The following CHST14 variants were observed in gnomAD, a reference collection of about 807,000 sequenced individuals.
CHST14 encodes carbohydrate sulfotransferase 14.
CHST14 carries 13 observed loss-of-function variants against 22.7 expected under a neutral mutation model. The observed-to-expected ratio is 0.57, with a 90% CI of 0.37 to 0.91. CHST14 has a LOEUF of 0.91. Ranked by LOEUF, CHST14 falls within the 40% of genes least tolerant of loss-of-function variation. The pLI, the probability that CHST14 is intolerant of heterozygous loss-of-function variation, is 0.01. For synonymous variants in CHST14, 233 were observed against 231.9 expected, an observed-to-expected ratio of 1.00 and a Z score of -0.04; for missense variants, 466 against 513.1, an observed-to-expected ratio of 0.91 and a Z score of 0.89.
In CHST14 at chr15:40,472,431, T is replaced by G. The variant is rs781234672; in HGVS notation, c.*87T>G. On this transcript the variant is annotated 3_prime_UTR_variant, in exon 1 of 1. Transcript: ENST00000306243. Reference sequence around the variant, plus strand: ...GCCTGTCATTCGGAGAAACTCTGGCTCTGGGGCTTGGGGCTTCTCAGGATC... The same window carrying G: ...GCCTGTCATTCGGAGAAACTCTGGCGCTGGGGCTTGGGGCTTCTCAGGATC... 7 of 1,459,476 alleles carry G rather than the reference T, an allele frequency of 4.8e-6. No individual in the cohort carries two copies. The highest frequency in any genetic ancestry group is 6.5e-6 in the Non-Finnish European group (7 of 1,078,696). 90.4% of individuals were successfully genotyped at this position (1,459,476 alleles called of 1,614,324 possible).
chr15:40,472,554 T>C lies in CHST14; in HGVS notation c.*210T>C, dbSNP rs959573095. The C allele has an allele frequency of 3.1e-5, 18 of 590,130 alleles. No individual in the cohort carries two copies. The highest frequency in any genetic ancestry group is 5.2e-5 in the Non-Finnish European group (17 of 328,716). 36.6% of individuals were successfully genotyped at this position (590,130 alleles called of 1,614,324 possible). ...TAGGCAGGAGACCTGCTGCTCCTCA[T>C]TGGGGGGATCTCTTGGGGGGCAGAC... On this transcript the variant is annotated 3_prime_UTR_variant, in exon 1 of 1. Coordinates refer to ENST00000306243, the MANE Select transcript of CHST14 (RefSeq NM_130468.4).
chr15:40,471,623 T>C lies in CHST14; in HGVS notation c.410T>C (p.Leu137Pro). ...TTGCCGGTGGGGCAGCGGCGCACCC[T>C]GCTGCGCCACATCCTCGTAAGTGAC... Reference protein sequence around the residue: ...WDLPVGQRRTLLRHILVSDRY... With the variant: ...WDLPVGQRRTPLRHILVSDRY... The change falls in exon 1 of 1, where the codon CTG (leucine) becomes CCG (proline). Residue 137 changes from leucine to proline, a missense_variant. Coordinates refer to ENST00000306243, the MANE Select transcript of CHST14 (RefSeq NM_130468.4). This position sits in a 1 kb window ranked among gnomAD's most constrained non-coding sequence, Gnocchi z 6.4. 6.2e-7 allele frequency: 1 copy of C among 1,613,160 alleles called. No individual in the cohort carries two copies. Among genetic ancestry groups the C allele is most frequent in the South Asian group, 1.1e-5 (1 of 91,084 alleles).
Position 40,471,248 on chromosome 15 carries a change from C to T in CHST14, c.35C>T (p.Pro12Leu). Residue 12 changes from proline to leucine, a missense_variant, in exon 1 of 1, where the codon CCA becomes CTA. By Grantham distance (98) the Pro-to-Leu change is moderately conservative. Coordinates refer to ENST00000306243, the MANE Select transcript of CHST14 (RefSeq NM_130468.4). The surrounding 1 kb of genome is among the most constrained non-coding windows in gnomAD (Gnocchi z 6.4). ...FPRPLTPLAA[P>L]NGAEPLGRAL... The stretch of plus-strand genomic sequence containing the variant: ...CGCCCGCTGACCCCGCTGGCGGCCC[C>T]AAATGGCGCCGAGCCCCTGGGCCGG... The T allele has an allele frequency of 6.9e-7, 1 of 1,451,824 alleles. No homozygotes were observed. The highest frequency in any genetic ancestry group is 9.0e-7 in the Non-Finnish European group (1 of 1,112,244). The allele number at this position is 1,451,824 out of a possible 1,614,324, so 89.9% of individuals were successfully genotyped here.
In CHST14 at chr15:40,471,488, G is replaced by A. The variant is rs754720949; in HGVS notation, c.275G>A (p.Gly92Asp). 2 of 1,600,148 alleles carry A rather than the reference G, an allele frequency of 1.2e-6. No individual in the cohort carries two copies. Among genetic ancestry groups the A allele is most frequent in the Non-Finnish European group, 1.7e-6 (2 of 1,177,120 alleles). Residue 92 changes from glycine to aspartate, a missense_variant, in exon 1 of 1, where the codon GGC becomes GAC. Gly to Asp is a moderately conservative substitution (Grantham distance 94). Coordinates refer to ENST00000306243, the MANE Select transcript of CHST14 (RefSeq NM_130468.4). This position sits in a 1 kb window ranked among gnomAD's most constrained non-coding sequence, Gnocchi z 6.4. ...AWRGKAPKPG[G>D]LSLRAGDADL... ...CGCGGGAAAGCCCCCAAGCCTGGGG[G>A]CCTGTCCCTCAGGGCTGGGGACGCG... is the stretch of plus-strand genomic sequence containing the variant.
At position 40,472,322 on chromosome 15, in the gene CHST14, C is replaced by G; in HGVS notation, c.1109C>G (p.Thr370Ser). 1.9e-6 allele frequency: 3 copies of G among 1,597,756 alleles called. No homozygotes were observed. Among genetic ancestry groups the G allele is most frequent in the Non-Finnish European group, 2.6e-6 (3 of 1,170,256 alleles). The change falls in exon 1 of 1, where the codon ACC becomes AGC. Residue 370 changes from threonine to serine, a missense_variant. Physicochemically the swap from Thr to Ser is moderately conservative, Grantham distance 58 (BLOSUM62 1). Transcript: ENST00000306243. ...SLFAYPLPNV[T>S]KEACQQ ...TTTGCCTACCCACTGCCTAATGTCA[C>G]CAAGGAGGCGTGTCAGCAGTGACCA...
At position 40,471,869 on chromosome 15, in the gene CHST14, T is replaced by G. The variant is rs1398794314; in HGVS notation, c.656T>G (p.Leu219Arg). The G allele has an allele frequency of 6.2e-7, 1 of 1,613,974 alleles. No homozygotes were observed. The highest frequency in any genetic ancestry group is 2.2e-5 in the East Asian group (1 of 44,862). The change falls in exon 1 of 1, where the codon CTC becomes CGC. Residue 219 changes from leucine to arginine, a missense_variant. By Grantham distance (102) the Leu-to-Arg change is moderately radical (BLOSUM62 -2). Coordinates refer to ENST00000306243, the MANE Select transcript of CHST14 (RefSeq NM_130468.4). This position sits in a 1 kb window ranked among gnomAD's most constrained non-coding sequence, Gnocchi z 6.4. ...TTTGTGCGGGAGCCCTTGGAACGCCTCCTCTCTGCCTACCGCAACAAGTTT... is the reference window on the plus strand; with the variant it reads ...TTTGTGCGGGAGCCCTTGGAACGCCGCCTCTCTGCCTACCGCAACAAGTTT... Reference protein sequence around the residue: ...FLFVREPLERLLSAYRNKFGE... With the variant: ...FLFVREPLERRLSAYRNKFGE...
At position 40,471,441 on chromosome 15, in the gene CHST14, C is replaced by A. The variant is rs760649086; in HGVS notation, c.228C>A (p.Pro76=). 18 of 1,571,122 alleles carry A rather than the reference C, an allele frequency of 1.1e-5. No individual in the cohort carries two copies. Among genetic ancestry groups the A allele is most frequent in the Admixed American group, 1.8e-5 (1 of 54,388 alleles). Residue 76 remains proline (P), a synonymous_variant, in exon 1 of 1, where the codon CCC becomes CCA. Coordinates refer to ENST00000306243, the MANE Select transcript of CHST14 (RefSeq NM_130468.4). The surrounding 1 kb of genome is among the most constrained non-coding windows in gnomAD (Gnocchi z 6.4). ...TGAAGCCCCTGCCCCTGCACCCGCCCGGCCGCGAGGGCACAGCCTGGCGCG... is the reference window on the plus strand; with the variant it reads ...TGAAGCCCCTGCCCCTGCACCCGCCAGGCCGCGAGGGCACAGCCTGGCGCG... ...AEMKPLPLHP[P]GREGTAWRGK...
Position 40,472,347 on chromosome 15 carries a change from A to T in CHST14, c.*3A>T. 6.3e-7 allele frequency: 1 copy of T among 1,592,884 alleles called. No homozygotes were observed. Among genetic ancestry groups the T allele is most frequent in the Non-Finnish European group, 8.6e-7 (1 of 1,168,200 alleles). ...CCAAGGAGGCGTGTCAGCAGTGACC[A>T]TGGGTGTGGGGCCAGCAGCTGGTGG... On this transcript the variant is annotated 3_prime_UTR_variant, in exon 1 of 1. Transcript: ENST00000306243.
chr15:40,472,168 G>A lies in CHST14; in HGVS notation c.955G>A (p.Val319Ile). The A allele has an allele frequency of 6.2e-7, 1 of 1,614,094 alleles. No individual in the cohort carries two copies. Among genetic ancestry groups the A allele is most frequent in the Non-Finnish European group, 8.5e-7 (1 of 1,180,038 alleles). The change falls in exon 1 of 1, where the codon GTC becomes ATC. Residue 319 changes from valine (V) to isoleucine (I), a missense_variant. Transcript: ENST00000306243. ...GGAGTGGGTACGGGCACCACCTCACGTCCGATTTCCAGCTCGCCAGGCCTG... is the reference window on the plus strand; with the variant it reads ...GGAGTGGGTACGGGCACCACCTCACATCCGATTTCCAGCTCGCCAGGCCTG... ...VLEWVRAPPH[V>I]RFPARQAWYR...
Position 40,472,107 on chromosome 15 carries a change from C to A in CHST14, c.894C>A (p.Ser298=). ...CCGTGCACTATGACTTTGTGGGCTC[C>A]TATGAGAGGCTGGAGGCTGATGCAA... ...PCAVHYDFVG[S]YERLEADANQ... Residue 298 remains serine (S), a synonymous_variant, in exon 1 of 1, where the codon TCC becomes TCA. Transcript: ENST00000306243. 3 of 1,614,198 alleles carry A rather than the reference C, an allele frequency of 1.9e-6. No individual in the cohort carries two copies. Among genetic ancestry groups the A allele is most frequent in the Non-Finnish European group, 2.5e-6 (3 of 1,180,046 alleles).
rs755659406 is a variant in CHST14, at chr15:40,471,602, C to G, written c.389C>G (p.Pro130Arg). The G allele has an allele frequency of 1.2e-6, 2 of 1,612,658 alleles. No homozygotes were observed. Among genetic ancestry groups the G allele is most frequent in the Admixed American group, 1.7e-5 (1 of 60,026 alleles). ...PGMPRDPWDL[P>R]VGQRRTLLRH... ...ATGCCCCGGGACCCCTGGGACTTGC[C>G]GGTGGGGCAGCGGCGCACCCTGCTG... is the stretch of plus-strand genomic sequence containing the variant. Residue 130 changes from proline (P) to arginine (R), a missense_variant, in exon 1 of 1, where the codon CCG (proline) becomes CGG (arginine). Coordinates refer to ENST00000306243, the MANE Select transcript of CHST14 (RefSeq NM_130468.4). The surrounding 1 kb of genome is among the most constrained non-coding windows in gnomAD (Gnocchi z 6.4).
rs1447394751 is a variant in CHST14, at chr15:40,471,296, G to T, written c.83G>T (p.Gly28Val). The change falls in exon 1 of 1, where the codon GGC (glycine) becomes GTC (valine). Residue 28 changes from glycine (G) to valine (V), a missense_variant. Physicochemically the swap from Gly to Val is moderately radical, Grantham distance 109. Coordinates refer to ENST00000306243, the MANE Select transcript of CHST14 (RefSeq NM_130468.4). This position sits in a 1 kb window ranked among gnomAD's most constrained non-coding sequence, Gnocchi z 6.4. ...CGGGCGCTGAGGCGGGCCCCTCTGG[G>T]CAGGGCCCGGGCGGGGCTGGGTGGG... ...LGRALRRAPL[G>V]RARAGLGGPP... 3.3e-6 allele frequency: 5 copies of T among 1,530,660 alleles called. No individual in the cohort carries two copies. In the Admixed American group the frequency reaches 7.9e-5, roughly 24 times the overall value. 94.8% of individuals were successfully genotyped at this position (1,530,660 alleles called of 1,614,324 possible). A position where few individuals can be genotyped will look rare whatever the true frequency, so the allele number is the denominator to read the frequency against.
chr15:40,471,916 CA>C lies in CHST14; in HGVS notation c.705del (p.Gln235HisfsTer7), dbSNP rs1476032682. 6.2e-7 allele frequency: 1 copy of C among 1,614,028 alleles called. No individual in the cohort carries two copies. Among genetic ancestry groups the C allele is most frequent in the African/African-American group, 1.3e-5 (1 of 74,940 alleles). On this transcript the variant is annotated frameshift_variant, in exon 1 of 1. Coordinates refer to ENST00000306243, the MANE Select transcript of CHST14 (RefSeq NM_130468.4). LOFTEE classifies it high-confidence loss of function. This position sits in a 1 kb window ranked among gnomAD's most constrained non-coding sequence, Gnocchi z 6.4. ...NKFGEIREYQ[Q>X]RYGAEIVRRY... The stretch of plus-strand genomic sequence containing the variant: ...GTTTGGCGAGATCCGAGAGTACCAG[CA>C]ACGCTATGGGGCTGAGATAGTGAGG...
In CHST14 at chr15:40,472,770, G is replaced by C. The variant is rs1894368803; in HGVS notation, c.*426G>C. 1 of 203,180 alleles carries C rather than the reference G, an allele frequency of 4.9e-6. No homozygotes were observed. Among genetic ancestry groups the C allele is most frequent in the South Asian group, 1.2e-4 (1 of 8,268 alleles). The allele number at this position is 203,180 out of a possible 1,614,324, so 12.6% of individuals were successfully genotyped here. On this transcript the variant is annotated 3_prime_UTR_variant, in exon 1 of 1. Coordinates refer to ENST00000306243, the MANE Select transcript of CHST14 (RefSeq NM_130468.4). ...CTGATCCCCCATTTATCCACCCCAT[G>C]TGCCTCAGGACTAGAGTGAGCAATC...
rs866817984 is a variant in CHST14, at chr15:40,471,611, A to C, written c.398A>C (p.Gln133Pro). Residue 133 changes from glutamine to proline, a missense_variant, in exon 1 of 1, where the codon CAG becomes CCG. Coordinates refer to ENST00000306243, the MANE Select transcript of CHST14 (RefSeq NM_130468.4). This position sits in a 1 kb window ranked among gnomAD's most constrained non-coding sequence, Gnocchi z 6.4. ...GACCCCTGGGACTTGCCGGTGGGGC[A>C]GCGGCGCACCCTGCTGCGCCACATC... Reference protein sequence around the residue: ...PRDPWDLPVGQRRTLLRHILV... With the variant: ...PRDPWDLPVGPRRTLLRHILV... The C allele has an allele frequency of 9.9e-6, 16 of 1,612,778 alleles. 1 individual carries two copies. In the African/African-American group the frequency reaches 1.9e-4, roughly 19 times the overall value.
In CHST14 at chr15:40,471,194, G is replaced by C. The variant is rs1216296988; in HGVS notation, c.-20G>C. 1.5e-6 allele frequency: 2 copies of C among 1,342,372 alleles called. No individual in the cohort carries two copies. The highest frequency in any genetic ancestry group is 3.1e-5 in the East Asian group (1 of 32,462). The allele number at this position is 1,342,372 out of a possible 1,614,324, so 83.2% of individuals were successfully genotyped here. On this transcript the variant is annotated 5_prime_UTR_variant, in exon 1 of 1. Coordinates refer to ENST00000306243, the MANE Select transcript of CHST14 (RefSeq NM_130468.4). The surrounding 1 kb of genome is among the most constrained non-coding windows in gnomAD (Gnocchi z 6.4). ...CCTCGGATCGGCCGGGCCCGCGCAG[G>C]CCCCCACCCCTTGAGCACCATGTTC...
In CHST14 at chr15:40,471,839, TC is replaced by T. The variant is rs749648439; in HGVS notation, c.628del (p.Leu210CysfsTer32). ...TACCGCCTGCAGCACTACTTTAAGT[TC>T]CTGTTTGTGCGGGAGCCCTTGGAAC... The part of the protein sequence containing the change: ...IRYRLQHYFK[F>X]LFVREPLERL... On this transcript the variant is annotated frameshift_variant, in exon 1 of 1. Coordinates refer to ENST00000306243, the MANE Select transcript of CHST14 (RefSeq NM_130468.4). LOFTEE classifies it high-confidence loss of function. The surrounding 1 kb of genome is among the most constrained non-coding windows in gnomAD (Gnocchi z 6.4). 2 of 1,613,722 alleles carry T rather than the reference TC, an allele frequency of 1.2e-6. No individual in the cohort carries two copies. Among genetic ancestry groups the T allele is most frequent in the Non-Finnish European group, 1.7e-6 (2 of 1,180,030 alleles).
rs1398956588 is a variant in CHST14, at chr15:40,472,711, G to T, written c.*367G>T. The T allele has an allele frequency of 4.0e-6, 1 of 249,876 alleles. No individual in the cohort carries two copies. Among genetic ancestry groups the T allele is most frequent in the Non-Finnish European group, 8.3e-6 (1 of 119,882 alleles). The allele number at this position is 249,876 out of a possible 1,614,324, so 15.5% of individuals were successfully genotyped here. A position where few individuals can be genotyped will look rare whatever the true frequency, so the allele number is the denominator to read the frequency against. The stretch of plus-strand genomic sequence containing the variant: ...AAACTCAGAGATGGTACCAGCCAGG[G>T]GCAAGCATGACCAGAGCCAGGGACC... On this transcript the variant is annotated 3_prime_UTR_variant, in exon 1 of 1. Coordinates refer to ENST00000306243, the MANE Select transcript of CHST14 (RefSeq NM_130468.4).
chr15:40,472,143 G>A lies in CHST14; in HGVS notation c.930G>A (p.Leu310=). 2.5e-6 allele frequency: 4 copies of A among 1,614,174 alleles called. No homozygotes were observed. The highest frequency in any genetic ancestry group is 3.4e-6 in the Non-Finnish European group (4 of 1,180,022). ...ERLEADANQV[L]EWVRAPPHVR... ...TGGAGGCTGATGCAAATCAGGTGCT[G>A]GAGTGGGTACGGGCACCACCTCACG... The change falls in exon 1 of 1, where the codon CTG becomes CTA. Residue 310 remains leucine (L), a synonymous_variant. Coordinates refer to ENST00000306243, the MANE Select transcript of CHST14 (RefSeq NM_130468.4).
Sources: gnomAD v4.1 joint callset for allele counts on GRCh38, gnomAD v4.1.1 for gene constraint, Gnocchi (gnomAD v3.1) non-coding constraint, MANE v1.5 for transcripts, NCBI Gene and HGNC (gene_info 2026-07-23, HGNC 2026-07-21) for gene names.